DCHS2: variants seen among roughly 807,000 people sequenced by gnomAD.
DCHS2 encodes dachsous cadherin-related 2.
Under a neutral mutation model 182.4 loss-of-function variants are expected in DCHS2, and 142 were observed. The ratio of observed to expected loss-of-function variants is 0.78; its 90% CI spans 0.68 to 0.89. DCHS2 has a LOEUF of 0.89. Ranked by LOEUF, DCHS2 falls within the 40% of genes least tolerant of loss-of-function variation. The probability of loss-of-function intolerance (pLI) is 0.00; values close to 1 mark genes in which losing one functional copy is unlikely to be tolerated. For synonymous variants in DCHS2, 1,740 were observed against 1,663.3 expected, an observed-to-expected ratio of 1.05 and a Z score of -1.12; for missense variants, 4,319 against 4,198.6, an observed-to-expected ratio of 1.03 and a Z score of -0.79.
chr4:154,331,737 C>A (rs1196821855), intron 5 of DCHS2: 3 of 1,600,910 alleles, frequency 1.9e-6, no homozygotes, highest in Non-Finnish European at 2.6e-6. Context: ...GGAGCTTCTT[C>A]TCATCTTACC....
rs150895003 is a variant in DCHS2, at chr4:154,440,205, T to A, written c.2052+49099A>T. ...AAGGACTAGAGTGAGACGAAGCTGA[T>A]GGAGCCAGTGCCCTGCCTTAGAACC... On this transcript the variant is annotated intron_variant, in intron 1 of 19. Transcript: ENST00000357232. Among the ~76,000 whole-genome samples the A allele has an allele frequency of 6.7e-3, 1,028 of 152,308 alleles. 8 individuals are homozygous for A. The highest frequency in any genetic ancestry group is 0.011 in the Non-Finnish European group (781 of 68,022).
At position 154,422,041 on chromosome 4, in the gene DCHS2, C is replaced by T. The variant is rs1321543060; in HGVS notation, c.2053-44597G>A. On this transcript the variant is annotated intron_variant, in intron 1 of 19. Transcript: ENST00000357232. Reference sequence around the variant, plus strand: ...ACTTCATGTTGGAAAGTTTCTTCGCCTAATTTCATTGAATAATACTCTTGA... The same window carrying T: ...ACTTCATGTTGGAAAGTTTCTTCGCTTAATTTCATTGAATAATACTCTTGA... 2.0e-5 allele frequency among the ~76,000 whole-genome samples: 3 copies of T among 152,306 alleles called. No homozygotes were observed. The East Asian group carries it at 5.8e-4, about 29-fold the overall frequency.
chr4:154,453,637 T>C (rs550500753), intron 1 of DCHS2, among the ~76,000 whole-genome samples: 46 of 152,240 alleles, frequency 3.0e-4, no homozygotes, highest in Non-Finnish European at 5.3e-4. Context: ...CAAAGCTCTA[T>C]TCAGTCTGAG....
intron 2 of DCHS2, among the ~76,000 whole-genome samples, chr4:154,367,553 T>G (rs1730441918): frequency 6.6e-6 from 1 of 152,106 alleles, no homozygotes. Context: ...TAGAAGAAAA[T>G]AATCCTCTGC....
At position 154,247,247 on chromosome 4, in the gene DCHS2, C is replaced by T. The variant is rs528032022; in HGVS notation, c.6942-4475G>A. 4.6e-5 allele frequency among the ~76,000 whole-genome samples: 7 copies of T among 152,098 alleles called. No homozygotes were observed. The South Asian group carries it at 6.2e-4, about 14-fold the overall frequency. On this transcript the variant is annotated intron_variant, in intron 16 of 19. Transcript: ENST00000357232. ...ATCCCAGCACTTTGGGAGGCTGAGG[C>T]GGGTGGATCATAATAAGGTCAGGAG...
At chr4:154,460,188 C>T (rs1734954006) in intron 1 of DCHS2, among the ~76,000 whole-genome samples, 1 of 152,136 alleles carries the variant, frequency 6.6e-6, no homozygotes, top group African/African-American at 2.4e-5. Context: ...GAGATGGATA[C>T]AGAAGGGAAA....
intron 1 of DCHS2, among the ~76,000 whole-genome samples, chr4:154,449,783 A>G (rs1290384141): frequency 6.6e-6 from 1 of 152,252 alleles, no homozygotes; most frequent in Non-Finnish European, 1.5e-5. Context: ...TGTTTAACTT[A>G]TTAGACAAAT....
chr4:154,487,182 G>C (rs2111048450), intron 1 of DCHS2, among the ~76,000 whole-genome samples: 1 of 152,352 alleles, frequency 6.6e-6, no homozygotes, highest in East Asian at 1.9e-4. Context: ...AGGAATATTG[G>C]AAGTCAACTT....
intron 13 of DCHS2, chr4:154,284,374 A>T (rs1300825891): frequency 1.3e-5 from 2 of 152,202 alleles, no homozygotes; most frequent in African/African-American, 4.8e-5. Flanking sequence ...TTGTCCTCCC[A>T]ACAGGGAAAC....
chr4:154,459,957 C>A (rs1041052924), intron 1 of DCHS2, among the ~76,000 whole-genome samples: 7 of 152,172 alleles, frequency 4.6e-5, no homozygotes, highest in African/African-American at 1.4e-4. Flanking sequence ...CAATTCTACA[C>A]CTGATGGACC....
chr4:154,247,837 A>ATAAT (rs1732156247), intron 16 of DCHS2, among the ~76,000 whole-genome samples: 1 of 152,188 alleles, frequency 6.6e-6, no homozygotes, highest in Admixed American at 6.6e-5. Flanking sequence ...AAAGGCTCAG[A>ATAAT]TAATTTACTT....
At chr4:154,245,668 A>G (rs186836789) in intron 16 of DCHS2, among the ~76,000 whole-genome samples, 56 of 152,310 alleles carry the variant, frequency 3.7e-4, no homozygotes, top group African/African-American at 1.3e-3. Flanking sequence ...TCCTCTCAAG[A>G]TTCTTCTAAA....
chr4:154,270,164 C>T, intron 13 of DCHS2, 151 bp from the exon 14 acceptor site: 1 of 1,003,098 alleles, frequency 1.0e-6, no homozygotes, highest in Non-Finnish European at 1.4e-6. Context: ...GAGCCAGATC[C>T]CATGCTAGGT....
chr4:154,273,273 G>A (rs192134921), intron 13 of DCHS2, among the ~76,000 whole-genome samples: 62 of 152,150 alleles, frequency 4.1e-4, no homozygotes, highest in African/African-American at 1.4e-3. Flanking sequence ...ATACCTCTCA[G>A]CCATAAAGAG....
At chr4:154,349,584 C>A (rs1270028566) in intron 3 of DCHS2, among the ~76,000 whole-genome samples, 1 of 152,186 alleles carries the variant, frequency 6.6e-6, no homozygotes, top group Admixed American at 6.5e-5. Flanking sequence ...GGATTTGTGA[C>A]AATGGACACA....
At chr4:154,352,260 T>C (rs548695648) in intron 3 of DCHS2, among the ~76,000 whole-genome samples, 35 of 152,320 alleles carry the variant, frequency 2.3e-4, no homozygotes, top group African/African-American at 7.5e-4. Context: ...CCAGACTAAA[T>C]ATGGGATCTT....
At chr4:154,308,705 A>C (rs1447352135) in intron 10 of DCHS2, among the ~76,000 whole-genome samples, 1 of 152,206 alleles carries the variant, frequency 6.6e-6, no homozygotes, top group South Asian at 2.1e-4. Context: ...GTTTGTCATT[A>C]ATTATCTCAT....
intron 3 of DCHS2, among the ~76,000 whole-genome samples, chr4:154,353,995 C>A (rs1008474288): frequency 6.6e-6 from 1 of 152,134 alleles, no homozygotes; most frequent in African/African-American, 2.4e-5. Flanking sequence ...GGTGTGATCT[C>A]AGCTCACTGC....
intron 1 of DCHS2, among the ~76,000 whole-genome samples, chr4:154,454,408 T>C (rs770168221): frequency 2.6e-5 from 4 of 152,110 alleles, no homozygotes; most frequent in Non-Finnish European, 4.4e-5. Flanking sequence ...CATGCTCAGT[T>C]AATTTTTCTA....
Sources: allele counts gnomAD v4.1 joint callset (sites outside exome capture counted in the v4.1 genomes callset), GRCh38; gene constraint gnomAD v4.1.1; transcripts MANE v1.5; gene names NCBI Gene and HGNC (gene_info 2026-07-23, HGNC 2026-07-21).